The following SLC18B1 variants were observed in gnomAD, a reference collection of about 807,000 sequenced individuals.
The protein encoded by SLC18B1 is solute carrier family 18 member B1, also known as MFS-type transporter SLC18B1.
SLC18B1 carries 62 observed loss-of-function variants against 53.9 expected under a neutral mutation model. The observed-to-expected ratio is 1.15, with a 90% CI of 0.94 to 1.42. The LOEUF (loss-of-function observed/expected upper bound fraction) is 1.42. Ranked by LOEUF, SLC18B1 falls within the 40% of genes most tolerant of loss-of-function variation. SLC18B1 has a pLI of 0.00. For missense variants in SLC18B1, 598 were observed against 547.3 expected (o/e 1.09, Z -0.93); for synonymous variants, 217 against 200.9 (o/e 1.08, Z -0.68).
intron 6 of SLC18B1, among the ~76,000 whole-genome samples, chr6:132,780,217 C>G (rs1781198608): frequency 6.6e-6 from 1 of 151,988 alleles, no homozygotes. Flanking sequence ...ACTCCTGTCT[C>G]AGCTTCCCAA....
chr6:132,784,687 A>G (rs1781325429), intron 5 of SLC18B1, among the ~76,000 whole-genome samples: 1 of 152,186 alleles, frequency 6.6e-6, no homozygotes, highest in Non-Finnish European at 1.5e-5. Context: ...TGAGGCACAT[A>G]CCTTATGACC....
rs1780923436 is a variant in SLC18B1, at chr6:132,769,802, A to G, written c.*468T>C. ...CAAAGAGAAAGTATATCTTTTAAAA[A>G]CTGATTTCATAGTAATGTTTCTACA... On this transcript the variant is annotated 3_prime_UTR_variant, in exon 14 of 14. Coordinates refer to ENST00000275227, the MANE Select transcript of SLC18B1 (RefSeq NM_052831.3). 1 of 152,362 alleles carries G rather than the reference A, an allele frequency of 6.6e-6. No homozygotes were observed. The highest frequency in any genetic ancestry group is 1.5e-5 in the Non-Finnish European group (1 of 68,178). 9.4% of individuals were successfully genotyped at this position (152,362 alleles called of 1,614,324 possible). A position where few individuals can be genotyped will look rare whatever the true frequency, so the allele number is the denominator to read the frequency against.
intron 2 of SLC18B1, among the ~76,000 whole-genome samples, chr6:132,795,583 G>A (rs1365678377): frequency 6.6e-6 from 1 of 152,188 alleles, no homozygotes; most frequent in African/African-American, 2.4e-5. Context: ...CACACAGAAC[G>A]AAGGACTACA....
rs767933033 is a variant in SLC18B1 at position 132,779,301 on chromosome 6, G to A, written c.762C>T (p.Leu254=). The A allele has an allele frequency of 4.3e-6, 7 of 1,613,972 alleles. No individual in the cohort carries two copies. The highest frequency in any genetic ancestry group is 2.2e-5 in the East Asian group (1 of 44,882). The part of the protein sequence containing the change: ...INSLSSCFGF[L]DPTLSLFVLE... ...AAACAAAGAGAGACAGAGTAGGATC[G>A]AGGAAGCCAAAACACGAGCTGAGTG... The change falls in exon 7 of 14, where the codon CTC becomes CTT. Residue 254 remains leucine, a synonymous_variant. Transcript: ENST00000275227.
At chr6:132,771,187 T>A in intron 11 of SLC18B1, 58 bp from the exon 12 acceptor site, 2 of 1,457,860 alleles carry the variant, frequency 1.4e-6, no homozygotes, top group Non-Finnish European at 1.9e-6. Flanking sequence ...AATTACTTCA[T>A]GAAAAGCTAC....
In SLC18B1 at chr6:132,771,056, C is replaced by G; in HGVS notation, c.1234G>C (p.Gly412Arg). 1 of 1,614,088 alleles carries G rather than the reference C, an allele frequency of 6.2e-7. No individual in the cohort carries two copies. Among genetic ancestry groups the G allele is most frequent in the Non-Finnish European group, 8.5e-7 (1 of 1,179,992 alleles). ...CTCACACTTATCAGAGCCCATAGACCTTGTATAGCTGCTGCCCATTCAAAA... is the reference window on the plus strand; with the variant it reads ...CTCACACTTATCAGAGCCCATAGACGTTGTATAGCTGCTGCCCATTCAAAA... ...IGFEWAAAIQ[G>R]LWALISGLAM... Residue 412 changes from glycine to arginine, a missense_variant, in exon 12 of 14, where the codon GGT (glycine) becomes CGT (arginine). Physicochemically the swap from Gly to Arg is moderately radical, Grantham distance 125. Transcript: ENST00000275227.
chr6:132,770,830 T>C, intron 13 of SLC18B1, 60 bp downstream of exon 13: 1 of 1,455,100 alleles, frequency 6.9e-7, no homozygotes. Flanking sequence ...ATGTTATTTA[T>C]TTTCCACTTG....
chr6:132,798,426 G>C lies in SLC18B1; in HGVS notation c.31C>G (p.Arg11Gly), dbSNP rs1582878678. Reference sequence around the variant, plus strand: ...AATTCATGGTCACCTCCTGGTGCGCGTGGTCCCTCCAGGTCACCCAGCGCC... The same window carrying C: ...AATTCATGGTCACCTCCTGGTGCGCCTGGTCCCTCCAGGTCACCCAGCGCC... Reference protein sequence around the residue: MEALGDLEGPRAPGGDDPAGS... With the variant: MEALGDLEGPGAPGGDDPAGS... Residue 11 changes from arginine (R) to glycine (G), a missense_variant, in exon 1 of 14, where the codon CGC becomes GGC. Transcript: ENST00000275227. The C allele has an allele frequency of 6.5e-7, 1 of 1,533,532 alleles. No individual in the cohort carries two copies. Among genetic ancestry groups the C allele is most frequent in the East Asian group, 2.5e-5 (1 of 39,224 alleles). 95.0% of individuals were successfully genotyped at this position (1,533,532 alleles called of 1,614,324 possible). A position where few individuals can be genotyped will look rare whatever the true frequency, so the allele number is the denominator to read the frequency against.
At chr6:132,795,099 ATTC>A (rs949872831) in intron 2 of SLC18B1, among the ~76,000 whole-genome samples, 1 of 151,952 alleles carries the variant, frequency 6.6e-6, no homozygotes, top group African/African-American at 2.4e-5. Flanking sequence ...AGAATTAACC[ATTC>A]TTCTTTCTAG....
chr6:132,790,533 G>C (rs914351263), intron 2 of SLC18B1, among the ~76,000 whole-genome samples: 3 of 152,112 alleles, frequency 2.0e-5, no homozygotes, highest in African/African-American at 7.2e-5. Context: ...GCAAAAGTCA[G>C]AATCAGAGTG....
At chr6:132,775,444 TTA>T (rs1487423189) in intron 8 of SLC18B1, among the ~76,000 whole-genome samples, 1 of 152,210 alleles carries the variant, frequency 6.6e-6, no homozygotes, top group Non-Finnish European at 1.5e-5. Flanking sequence ...TTATGTAAGA[TTA>T]TGTCTGAAAA....
chr6:132,781,768 A>G (rs1781243325), intron 6 of SLC18B1, among the ~76,000 whole-genome samples: 1 of 151,696 alleles, frequency 6.6e-6, no homozygotes, highest in South Asian at 2.1e-4. Flanking sequence ...AAAAAAAAAA[A>G]AGAAAAGAAA....
chr6:132,793,357 G>A (rs1781596974), intron 2 of SLC18B1, among the ~76,000 whole-genome samples: 1 of 152,134 alleles, frequency 6.6e-6, no homozygotes, highest in Non-Finnish European at 1.5e-5. Context: ...AAAAATCAAA[G>A]CCTTCTCTTC....
intron 2 of SLC18B1, among the ~76,000 whole-genome samples, chr6:132,791,574 T>C (rs1781525467): frequency 1.3e-5 from 2 of 152,338 alleles, no homozygotes; most frequent in South Asian, 2.1e-4. Context: ...TCTATTGTTC[T>C]AAGCTAAATT....
At chr6:132,788,483 A>G (rs1320029248) in intron 4 of SLC18B1, among the ~76,000 whole-genome samples, 1 of 152,124 alleles carries the variant, frequency 6.6e-6, no homozygotes, top group Non-Finnish European at 1.5e-5. Context: ...TTCTGCTGAT[A>G]TAACTGGTCC....
At chr6:132,775,745 C>A (rs1781083575) in intron 8 of SLC18B1, among the ~76,000 whole-genome samples, 1 of 152,178 alleles carries the variant, frequency 6.6e-6, no homozygotes, top group Non-Finnish European at 1.5e-5. Flanking sequence ...ATAACCAGTG[C>A]ATATTTATGT....
intron 8 of SLC18B1, among the ~76,000 whole-genome samples, chr6:132,774,649 C>A (rs1024819068): frequency 2.0e-5 from 3 of 152,100 alleles, no homozygotes; most frequent in Non-Finnish European, 4.4e-5. Flanking sequence ...CGGCTCACAC[C>A]TATAATCCCA....
In SLC18B1 at chr6:132,787,293, C is replaced by G. The variant is rs55739774; in HGVS notation, c.501+141G>C. The G allele has an allele frequency of 6.0e-3, 4,408 of 730,132 alleles. 164 individuals are homozygous for G. In the African/African-American group the frequency reaches 0.072, roughly 12 times the overall value. 45.2% of individuals were successfully genotyped at this position (730,132 alleles called of 1,614,324 possible). A position where few individuals can be genotyped will look rare whatever the true frequency, so the allele number is the denominator to read the frequency against. On this transcript the variant is annotated intron_variant, in intron 5 of 13. Coordinates refer to ENST00000275227, the MANE Select transcript of SLC18B1 (RefSeq NM_052831.3). ...ATTTATTGACAGGCTTGCTGCTAGT[C>G]AAACTCGGGGTGAAAGGCAACAATA...
At chr6:132,794,383 C>G (rs1024000169) in intron 2 of SLC18B1, among the ~76,000 whole-genome samples, 1 of 151,864 alleles carries the variant, frequency 6.6e-6, no homozygotes, top group Non-Finnish European at 1.5e-5. Context: ...GGATTACAGG[C>G]GTGAGCCACC....
Sources: allele counts gnomAD v4.1 joint callset (sites outside exome capture counted in the v4.1 genomes callset), GRCh38; gene constraint gnomAD v4.1.1; transcripts MANE v1.5; gene names NCBI Gene and HGNC (gene_info 2026-07-23, HGNC 2026-07-21).